OXNAD1: variants seen among roughly 807,000 people sequenced by gnomAD.
OXNAD1 encodes oxidoreductase NAD binding domain containing 1, also known as oxidoreductase NAD-binding domain-containing protein 1.
OXNAD1 carries 34 observed loss-of-function variants against 32.9 expected under a neutral mutation model. The ratio of observed to expected loss-of-function variants is 1.03; its 90% CI spans 0.79 to 1.38. The LOEUF is 1.38. Among genes scored for constraint, OXNAD1 ranks in the 40% most tolerant of loss-of-function variants. The pLI is 0.00. For synonymous variants in OXNAD1, 134 were observed against 135.2 expected, an observed-to-expected ratio of 0.99 and a Z score of 0.06; for missense variants, 407 against 379.4, an observed-to-expected ratio of 1.07 and a Z score of -0.60.
rs1002470586 is a variant in OXNAD1, at chr3:16,316,670, T to C, written c.*30+13078T>C. 4 of 786,572 alleles carry C rather than the reference T, an allele frequency of 5.1e-6. No homozygotes were observed. The highest frequency in any genetic ancestry group is 4.2e-6 in the Non-Finnish European group (2 of 471,390). The allele number at this position is 786,572 out of a possible 1,614,324, so 48.7% of individuals were successfully genotyped here. A position where few individuals can be genotyped will look rare whatever the true frequency, so the allele number is the denominator to read the frequency against. Reference sequence around the variant, plus strand: ...GCAAAAACCAACACTGTCAGGAACCTGGCCCTGGGAGGGCTCAGGTGAGCT... The same window carrying C: ...GCAAAAACCAACACTGTCAGGAACCCGGCCCTGGGAGGGCTCAGGTGAGCT... On this transcript the variant is annotated intron_variant, in intron 9 of 9. Coordinates refer to the OXNAD1 transcript ENST00000435829. This position sits in a 1 kb window ranked among gnomAD's most constrained non-coding sequence, Gnocchi z 4.5.
At chr3:16,323,518 A>G (rs367754242) in intron 9 of OXNAD1, 4 of 1,206,334 alleles carry the variant, frequency 3.3e-6, no homozygotes, top group African/African-American at 1.6e-5. Context: ...AAAACCTGAC[A>G]CAGATGTTGC....
chr3:16,285,593 C>T (rs2066020358), intron 4 of OXNAD1, among the ~76,000 whole-genome samples: 3 of 152,178 alleles, frequency 2.0e-5, no homozygotes, highest in South Asian at 2.1e-4. Flanking sequence ...ATGGCACATA[C>T]CTGCATAGCT....
downstream of OXNAD1, among the ~76,000 whole-genome samples, chr3:16,308,314 G>A (rs1034138592): frequency 4.6e-5 from 7 of 152,150 alleles, no homozygotes; most frequent in African/African-American, 1.7e-4. The surrounding 1 kb of genome is among the most constrained non-coding windows in gnomAD (Gnocchi z 4.4). Flanking sequence ...ATGGATCTTA[G>A]GGGCCCAGGG....
At chr3:16,325,546 A>G (rs183981759) in intron 9 of OXNAD1, among the ~76,000 whole-genome samples, 1 of 152,344 alleles carries the variant, frequency 6.6e-6, no homozygotes, top group East Asian at 1.9e-4. Flanking sequence ...AACATGACAC[A>G]GTGGGTAAGT....
chr3:16,303,873 T>C lies in OXNAD1; in HGVS notation c.*311T>C, dbSNP rs1334324431. The stretch of plus-strand genomic sequence containing the variant: ...TTTGTCTTTAGGCAAAAAAAAGATA[T>C]ATACTTATGTCTAATCATAGGAAAA... On this transcript the variant is annotated 3_prime_UTR_variant, in exon 9 of 9. Coordinates refer to ENST00000285083, the MANE Select transcript of OXNAD1 (RefSeq NM_138381.5). This position sits in a 1 kb window ranked among gnomAD's most constrained non-coding sequence, Gnocchi z 4.8. 1.1e-5 allele frequency: 2 copies of C among 184,786 alleles called. No individual in the cohort carries two copies. Among genetic ancestry groups the C allele is most frequent in the Admixed American group, 6.0e-5 (1 of 16,708 alleles). The allele number at this position is 184,786 out of a possible 1,614,324, so 11.4% of individuals were successfully genotyped here. A position where few individuals can be genotyped will look rare whatever the true frequency, so the allele number is the denominator to read the frequency against.
chr3:16,323,917 C>G (rs940035203), intron 9 of OXNAD1, among the ~76,000 whole-genome samples: 1 of 152,174 alleles, frequency 6.6e-6, no homozygotes, highest in East Asian at 1.9e-4. Flanking sequence ...ATGCATGGCT[C>G]CTGCAGGCAC....
rs139904900 is a variant in OXNAD1 at position 16,303,008 on chromosome 3, A to G, written c.784+260A>G. 2.6e-4 allele frequency among the ~76,000 whole-genome samples: 40 copies of G among 152,356 alleles called. No homozygotes were observed. The highest frequency in any genetic ancestry group is 4.7e-4 in the Non-Finnish European group (32 of 68,032). On this transcript the variant is annotated intron_variant, in intron 8 of 8. Coordinates refer to ENST00000285083, the MANE Select transcript of OXNAD1 (RefSeq NM_138381.5). The surrounding 1 kb of genome is among the most constrained non-coding windows in gnomAD (Gnocchi z 4.8). ...CATCATCACTGTAGTGTCCATACAA[A>G]TAATTTATATTCCAGATTTGGCTGA...
downstream of OXNAD1, among the ~76,000 whole-genome samples, chr3:16,310,757 A>G (rs2125124716): frequency 6.6e-6 from 1 of 152,230 alleles, no homozygotes; most frequent in African/African-American, 2.4e-5. Flanking sequence ...TGGGAGGCCA[A>G]GGTGGGCAAA....
Position 16,271,832 on chromosome 3 carries a change from TG to T in OXNAD1, c.183+113del. On this transcript the variant is annotated intron_variant, in intron 4 of 8. Transcript: ENST00000285083. This position sits in a 1 kb window ranked among gnomAD's most constrained non-coding sequence, Gnocchi z 4.6. ...GAGTCTGGTCCTTTTGAAGGAGAGT[TG>T]GGAAGTTTGTTATTTTTCTATTTAG... 1.1e-6 allele frequency: 1 copy of T among 920,870 alleles called. No homozygotes were observed. The highest frequency in any genetic ancestry group is 1.6e-6 in the Non-Finnish European group (1 of 611,952). The allele number at this position is 920,870 out of a possible 1,614,324, so 57.0% of individuals were successfully genotyped here.
rs192956616 is a variant in OXNAD1 at position 16,271,596 on chromosome 3, A to G, written c.120-63A>G. The G allele has an allele frequency of 1.1e-4, 145 of 1,336,000 alleles. 2 individuals carry two copies. In the Admixed American group the frequency reaches 3.1e-3, roughly 29 times the overall value. The allele number at this position is 1,336,000 out of a possible 1,614,324, so 82.8% of individuals were successfully genotyped here. On this transcript the variant is annotated intron_variant, in intron 3 of 8. Transcript: ENST00000285083. The surrounding 1 kb of genome is among the most constrained non-coding windows in gnomAD (Gnocchi z 4.6). ...TAGGATAACCATGATATTTCAGGAAAAACTAATTTTATTATTTTTATGAGG... is the reference window on the plus strand; with the variant it reads ...TAGGATAACCATGATATTTCAGGAAGAACTAATTTTATTATTTTTATGAGG...
At chr3:16,306,839 A>G (rs2067595875), downstream of OXNAD1, among the ~76,000 whole-genome samples, 1 of 152,192 alleles carries the variant, frequency 6.6e-6, no homozygotes, top group African/African-American at 2.4e-5. Flanking sequence ...GAGGCATATA[A>G]TGTCTGTCCC....
chr3:16,266,004 G>A, intron 1 of OXNAD1: 2 of 672,664 alleles, frequency 3.0e-6, no homozygotes, highest in Non-Finnish European at 3.7e-6. Flanking sequence ...TGGTAAAACC[G>A]ATTACATTGG....
chr3:16,344,484 C>T lies in OXNAD1; in HGVS notation c.*31-4692C>T, dbSNP rs1320356267. 6.6e-6 allele frequency among the ~76,000 whole-genome samples: 1 copy of T among 152,120 alleles called. No individual in the cohort carries two copies. Among genetic ancestry groups the T allele is most frequent in the Non-Finnish European group, 1.5e-5 (1 of 68,022 alleles). On this transcript the variant is annotated intron_variant, in intron 9 of 9. Transcript: ENST00000606098. This position sits in a 1 kb window ranked among gnomAD's most constrained non-coding sequence, Gnocchi z 4.4. ...AGAGTCTTCCCCACTCTCAGACCTG[C>T]CCTGGCCTTCTTCCCCCTCGCCCAA...
chr3:16,271,948 C>G lies in OXNAD1; in HGVS notation c.183+226C>G, dbSNP rs1245047680. ...TTTAAACTTGGAATGAATGGATTAC[C>G]TTTTGATGAAGCAAGTAGAGCAGCA... On this transcript the variant is annotated intron_variant, in intron 4 of 8. Coordinates refer to ENST00000285083, the MANE Select transcript of OXNAD1 (RefSeq NM_138381.5). The surrounding 1 kb of genome is among the most constrained non-coding windows in gnomAD (Gnocchi z 4.6). 6.6e-6 allele frequency among the ~76,000 whole-genome samples: 1 copy of G among 152,084 alleles called. No individual in the cohort carries two copies. Among genetic ancestry groups the G allele is most frequent in the African/African-American group, 2.4e-5 (1 of 41,394 alleles).
At chr3:16,318,228 G>T (rs184406728) in intron 9 of OXNAD1, among the ~76,000 whole-genome samples, 2 of 152,152 alleles carry the variant, frequency 1.3e-5, no homozygotes, top group Non-Finnish European at 2.9e-5. Flanking sequence ...CATCTCGGTG[G>T]CCCAGAGTGC....
In OXNAD1 at chr3:16,299,994, G is replaced by A. The variant is rs919836220; in HGVS notation, c.433-1632G>A. Among the ~76,000 whole-genome samples the A allele has an allele frequency of 2.0e-5, 3 of 152,170 alleles. No individual in the cohort carries two copies. The highest frequency in any genetic ancestry group is 7.2e-5 in the African/African-American group (3 of 41,438). ...ACCCTGTGAGGTGGGCAGTGCAGGT[G>A]CTGGTACCCATTTTCCAGGGGTGGC... On this transcript the variant is annotated intron_variant, in intron 6 of 8. Coordinates refer to ENST00000285083, the MANE Select transcript of OXNAD1 (RefSeq NM_138381.5). The surrounding 1 kb of genome is among the most constrained non-coding windows in gnomAD (Gnocchi z 4.4).
rs887112074 is a variant in OXNAD1, at chr3:16,305,793, C to G, written c.*2231C>G. ...AACTACATGTAAAAGGGAGATGATA[C>G]TGCTGCCTACCTACCTACATGATAG... On this transcript the variant is annotated 3_prime_UTR_variant, in exon 9 of 9. Transcript: ENST00000285083. This position sits in a 1 kb window ranked among gnomAD's most constrained non-coding sequence, Gnocchi z 4.5. The G allele has an allele frequency of 2.0e-5, 3 of 152,200 alleles. No individual in the cohort carries two copies. Among genetic ancestry groups the G allele is most frequent in the African/African-American group, 7.2e-5 (3 of 41,450 alleles). The allele number at this position is 152,200 out of a possible 1,614,324, so 9.4% of individuals were successfully genotyped here. A position where few individuals can be genotyped will look rare whatever the true frequency, so the allele number is the denominator to read the frequency against.
intron 9 of OXNAD1, among the ~76,000 whole-genome samples, chr3:16,328,647 G>A (rs1405955715): frequency 4.6e-5 from 7 of 152,194 alleles, no homozygotes; most frequent in Admixed American, 4.6e-4. Flanking sequence ...GCATCACCTG[G>A]CAACTTGTTA....
At position 16,265,293 on chromosome 3, in the gene OXNAD1, C is replaced by CT. The variant is rs779621543; in HGVS notation, c.-370dup. On this transcript the variant is annotated 5_prime_UTR_variant, in exon 1 of 9. Coordinates refer to ENST00000285083, the MANE Select transcript of OXNAD1 (RefSeq NM_138381.5). The surrounding 1 kb of genome is among the most constrained non-coding windows in gnomAD (Gnocchi z 4.8). ...GGAAAGTTTCCCTGCTTCTTATCGT[C>CT]TGCTTTAACGCCTTAAATAGCCCGC... 7 of 205,720 alleles carry CT rather than the reference C, an allele frequency of 3.4e-5. No individual in the cohort carries two copies. The East Asian group carries it at 8.1e-4, about 24-fold the overall frequency. 12.7% of individuals were successfully genotyped at this position (205,720 alleles called of 1,614,324 possible). A position where few individuals can be genotyped will look rare whatever the true frequency, so the allele number is the denominator to read the frequency against.
Sources: allele counts gnomAD v4.1 joint callset (sites outside exome capture counted in the v4.1 genomes callset), GRCh38; gene constraint gnomAD v4.1.1; non-coding constraint Gnocchi (gnomAD v3.1); transcripts MANE v1.5; gene names NCBI Gene and HGNC (gene_info 2026-07-23, HGNC 2026-07-21).